The following PRKAR2A variants were observed in gnomAD, a reference collection of about 807,000 sequenced individuals.
PRKAR2A encodes cAMP-dependent protein kinase type II-alpha regulatory subunit.
A neutral mutation model predicts 51.9 loss-of-function variants in PRKAR2A; 29 were observed. That is an observed-to-expected ratio of 0.56 (90% CI 0.42 to 0.76). The LOEUF is 0.76. Ranked by LOEUF, PRKAR2A falls within the 30% of genes least tolerant of loss-of-function variation. The pLI is 0.00. For missense variants in PRKAR2A, 445 were observed against 512.1 expected (o/e 0.87, Z 1.26); for synonymous variants, 178 against 186.2 (o/e 0.96, Z 0.36).
At chr3:48,805,547 G>C (rs202188242) in intron 2 of PRKAR2A, among the ~76,000 whole-genome samples, 1 of 152,134 alleles carries the variant, frequency 6.6e-6, no homozygotes, top group East Asian at 1.9e-4. Context: ...CTCACCTATT[G>C]CAAGTTACTT....
chr3:48,829,611 T>TATAC (rs1279587698), intron 1 of PRKAR2A, among the ~76,000 whole-genome samples: 1 of 135,522 alleles, frequency 7.4e-6, no homozygotes, highest in African/African-American at 2.9e-5. Context: ...CATAAATGTG[T>TATAC]GTGTGTATAC....
downstream of PRKAR2A, among the ~76,000 whole-genome samples, chr3:48,746,133 G>C (rs138515014): frequency 5.3e-5 from 8 of 152,036 alleles, no homozygotes; most frequent in African/African-American, 1.4e-4. Context: ...TAAACCATTG[G>C]CTCTCCTGGG....
rs1335662566 is a variant in PRKAR2A, at chr3:48,823,811, ATCT to A, written c.263-16130_263-16128del. ...CAAAAAAAAAAAAAAAAGAAAAAAA[ATCT>A]TCTACCAGAAATCAAGGACACTACG... is the stretch of plus-strand genomic sequence containing the variant. On this transcript the variant is annotated intron_variant, in intron 1 of 10. Transcript: ENST00000265563. 5.9e-5 allele frequency among the ~76,000 whole-genome samples: 9 copies of A among 151,932 alleles called. No individual in the cohort carries two copies. In the East Asian group the frequency reaches 7.8e-4, roughly 13 times the overall value.
At chr3:48,756,096 A>G (rs2081759501) in intron 9 of PRKAR2A, among the ~76,000 whole-genome samples, 1 of 152,004 alleles carries the variant, frequency 6.6e-6, no homozygotes, top group South Asian at 2.1e-4. Context: ...CCCATTTTCT[A>G]TTAGGGTTTT....
At chr3:48,817,767 A>C (rs908812495) in intron 1 of PRKAR2A, among the ~76,000 whole-genome samples, 5 of 151,862 alleles carry the variant, frequency 3.3e-5, no homozygotes, top group Admixed American at 6.6e-5. Context: ...TATTTTAAAA[A>C]CAAAAACAAT....
At chr3:48,772,306 G>A (rs955493674) in intron 6 of PRKAR2A, among the ~76,000 whole-genome samples, 1 of 152,074 alleles carries the variant, frequency 6.6e-6, no homozygotes, top group African/African-American at 2.4e-5. Context: ...GAGTGCAGTG[G>A]CGTGATCTTG....
chr3:48,775,851 T>TA (rs2082097520), intron 5 of PRKAR2A, among the ~76,000 whole-genome samples: 1 of 152,182 alleles, frequency 6.6e-6, no homozygotes. Context: ...CTCACGCCTG[T>TA]AATCCCAGCA....
chr3:48,829,843 G>GTA (rs2083152537), intron 1 of PRKAR2A, among the ~76,000 whole-genome samples: 1 of 48,402 alleles, frequency 2.1e-5, no homozygotes, highest in Non-Finnish European at 3.4e-5. Context: ...ATATATGCGT[G>GTA]TGTGTATATA....
chr3:48,834,318 A>C (rs1229146552), intron 1 of PRKAR2A, among the ~76,000 whole-genome samples: 1 of 152,184 alleles, frequency 6.6e-6, no homozygotes, highest in East Asian at 1.9e-4. Flanking sequence ...TAGAGGCATA[A>C]ATCAGACTGT....
chr3:48,844,943 C>T (rs2083439163), intron 1 of PRKAR2A, among the ~76,000 whole-genome samples: 2 of 151,592 alleles, frequency 1.3e-5, no homozygotes, highest in South Asian at 4.2e-4. Flanking sequence ...AACTAACCTG[C>T]ACATTGTGCA....
chr3:48,783,686 T>C (rs2082243019), intron 4 of PRKAR2A, among the ~76,000 whole-genome samples: 1 of 152,170 alleles, frequency 6.6e-6, no homozygotes, highest in African/African-American at 2.4e-5. Flanking sequence ...GTTCAAGCGA[T>C]TCTCCTGCCT....
chr3:48,803,792 G>A (rs896718699), intron 2 of PRKAR2A, among the ~76,000 whole-genome samples: 4 of 152,128 alleles, frequency 2.6e-5, no homozygotes, highest in African/African-American at 9.7e-5. Context: ...CAGATTACTT[G>A]AGGCCAGGAG....
intron 1 of PRKAR2A, among the ~76,000 whole-genome samples, chr3:48,836,235 T>C (rs1486168637): frequency 2.7e-5 from 4 of 150,746 alleles, no homozygotes; most frequent in Admixed American, 6.6e-5. Context: ...CTGACCAACA[T>C]AGTGAAACCC....
Position 48,822,736 on chromosome 3 carries a change from T to C in PRKAR2A, c.263-15052A>G, listed in dbSNP as rs139747059. ...GCCCCAGGATGTTGTTTTTTTTTTTTTTTTTCTTTGAGACAAGATCTCGTT... is the reference window on the plus strand; with the variant it reads ...GCCCCAGGATGTTGTTTTTTTTTTTCTTTTTCTTTGAGACAAGATCTCGTT... On this transcript the variant is annotated intron_variant, in intron 1 of 10. Coordinates refer to ENST00000265563, the MANE Select transcript of PRKAR2A (RefSeq NM_004157.4). 9.7e-3 allele frequency among the ~76,000 whole-genome samples: 1,451 copies of C among 150,108 alleles called. 26 individuals are homozygous for C. The highest frequency in any genetic ancestry group is 0.034 in the African/African-American group (1,394 of 40,972).
At chr3:48,812,903 T>G (rs1381980184) in intron 1 of PRKAR2A, among the ~76,000 whole-genome samples, 1 of 152,198 alleles carries the variant, frequency 6.6e-6, no homozygotes, top group Non-Finnish European at 1.5e-5. Context: ...AACTGTGTTC[T>G]ACAGACAGCA....
intron 1 of PRKAR2A, among the ~76,000 whole-genome samples, chr3:48,837,623 C>A (rs2083305742): frequency 6.6e-6 from 1 of 152,108 alleles, no homozygotes; most frequent in East Asian, 1.9e-4. Context: ...CCACACAGAA[C>A]TTGTACACAC....
At chr3:48,744,633 T>C (rs1482882657), downstream of PRKAR2A, 1 of 152,072 alleles carries the variant, frequency 6.6e-6, no homozygotes, top group African/African-American at 2.4e-5. Flanking sequence ...CCCTAGTGAG[T>C]CCCAAGATTT....
rs538795636 is a variant in PRKAR2A at position 48,752,028 on chromosome 3, G to A, written c.1081+148C>T. On this transcript the variant is annotated intron_variant, in intron 10 of 10. Transcript: ENST00000265563. The stretch of plus-strand genomic sequence containing the variant: ...CAGTACTCAGAAATGTTTGCTGAAA[G>A]CATCCATTCATCCATCTCTGGTTGG... The A allele has an allele frequency of 8.8e-6, 8 of 906,338 alleles. No homozygotes were observed. The South Asian group carries it at 1.1e-4, about 12-fold the overall frequency. 56.1% of individuals were successfully genotyped at this position (906,338 alleles called of 1,614,324 possible). A position where few individuals can be genotyped will look rare whatever the true frequency, so the allele number is the denominator to read the frequency against.
Position 48,752,209 on chromosome 3 carries a change from A to T in PRKAR2A, c.1048T>A (p.Ser350Thr). 6 of 1,614,224 alleles carry T rather than the reference A, an allele frequency of 3.7e-6. No individual in the cohort carries two copies. The highest frequency in any genetic ancestry group is 5.1e-6 in the Non-Finnish European group (6 of 1,180,024). Residue 350 changes from serine to threonine, a missense_variant, in exon 10 of 11, where the codon TCA (serine) becomes ACA (threonine). Coordinates refer to ENST00000265563, the MANE Select transcript of PRKAR2A (RefSeq NM_004157.4). Reference protein sequence around the residue: ...ALVTNKPRAASAYAVGDVKCL... With the variant: ...ALVTNKPRAATAYAVGDVKCL... ...TTGACATCTCCAACTGCATAAGCTGAGGCAGCTCTGGGTTTGTTGGTGACC... is the reference window on the plus strand; with the variant it reads ...TTGACATCTCCAACTGCATAAGCTGTGGCAGCTCTGGGTTTGTTGGTGACC...
Sources: allele counts gnomAD v4.1 joint callset (sites outside exome capture counted in the v4.1 genomes callset), GRCh38; gene constraint gnomAD v4.1.1; transcripts MANE v1.5; gene names NCBI Gene and HGNC (gene_info 2026-07-23, HGNC 2026-07-21).